Variants in DLGAP2 observed in about 807,000 individuals in gnomAD.
DLGAP2 encodes disks large-associated protein 2.
A neutral mutation model predicts 100.3 loss-of-function variants in DLGAP2; 26 were observed. The observed-to-expected ratio is 0.26, with a 90% CI of 0.19 to 0.36. The LOEUF is 0.36. DLGAP2 is among the 10% of genes least tolerant of loss of function. The pLI is 1.00. For missense variants in DLGAP2, 1,858 were observed against 1,453.2 expected, an observed-to-expected ratio of 1.28 and a Z score of -4.53; for synonymous variants, 886 against 630.1, an observed-to-expected ratio of 1.41 and a Z score of -6.08.
intron 2 of DLGAP2, among the ~76,000 whole-genome samples, chr8:957,846 G>A (rs1317832016): frequency 6.6e-6 from 1 of 151,760 alleles, no homozygotes; most frequent in East Asian, 1.9e-4. Flanking sequence ...ATTATATATG[G>A]GAAAAATATT....
intron 2 of DLGAP2, among the ~76,000 whole-genome samples, chr8:972,555 A>C (rs2129012464): frequency 6.6e-6 from 1 of 152,300 alleles, no homozygotes; most frequent in East Asian, 1.9e-4. Flanking sequence ...AAAATCAGTG[A>C]GCTTAAGGAA....
intron 2 of DLGAP2, among the ~76,000 whole-genome samples, chr8:1,174,392 A>G (rs1005374610): frequency 6.6e-6 from 1 of 151,920 alleles, no homozygotes; most frequent in Admixed American, 6.6e-5. Flanking sequence ...TACCACCATC[A>G]TCATTACCAT....
chr8:1,264,473 C>T (rs1158001991), intron 3 of DLGAP2, among the ~76,000 whole-genome samples: 1 of 152,118 alleles, frequency 6.6e-6, no homozygotes, highest in East Asian at 1.9e-4. Context: ...ATAAAGTTAC[C>T]AATGAGAAAT....
intron 2 of DLGAP2, among the ~76,000 whole-genome samples, chr8:1,144,484 C>T (rs549485503): frequency 8.5e-5 from 13 of 152,334 alleles, no homozygotes; most frequent in Non-Finnish European, 1.5e-4. Flanking sequence ...CCCCAGTCTG[C>T]GTCCTGCTTT....
intron 3 of DLGAP2, among the ~76,000 whole-genome samples, chr8:1,268,759 A>G (rs1048557061): frequency 6.6e-6 from 1 of 152,232 alleles, no homozygotes; most frequent in Non-Finnish European, 1.5e-5. Context: ...ATTTAAAAAC[A>G]TTTCCCAATT....
At chr8:977,468 G>C (rs1376287948) in intron 2 of DLGAP2, among the ~76,000 whole-genome samples, 1 of 152,188 alleles carries the variant, frequency 6.6e-6, no homozygotes, top group African/African-American at 2.4e-5. Flanking sequence ...GACACTTTCT[G>C]ATATAGCAAA....
intron 3 of DLGAP2, among the ~76,000 whole-genome samples, chr8:1,303,127 GTGGCTCACGCC>G (rs1004287846): frequency 2.6e-5 from 4 of 152,200 alleles, no homozygotes; most frequent in African/African-American, 9.6e-5. Flanking sequence ...GTGGGGCGCG[GTGGCTCACGCC>G]TGTAATCCCA....
chr8:1,626,734 C>A lies in DLGAP2; in HGVS notation c.1443-6C>A, dbSNP rs1326134759. ...AATGCCTTTTCTCCTTTCTTCTTTC[C>A]TGTAGCCAGACCTACCTGCAAGCTG... On this transcript the variant is annotated splice_polypyrimidine_tract_variant and splice_region_variant and intron_variant, in intron 6 of 14. Coordinates refer to ENST00000637795, the MANE Select transcript of DLGAP2 (RefSeq NM_001346810.2). 6.3e-7 allele frequency: 1 copy of A among 1,594,504 alleles called. No individual in the cohort carries two copies. The highest frequency in any genetic ancestry group is 1.7e-5 in the Admixed American group (1 of 57,430).
chr8:971,233 C>G (rs973094804), intron 2 of DLGAP2, among the ~76,000 whole-genome samples: 1 of 152,166 alleles, frequency 6.6e-6, no homozygotes, highest in African/African-American at 2.4e-5. Flanking sequence ...TCATAAAGAA[C>G]TCTTGTAACT....
intron 3 of DLGAP2, among the ~76,000 whole-genome samples, chr8:1,287,844 GTGTGTGGTTGT>G: frequency 7.0e-6 from 1 of 142,388 alleles, no homozygotes; most frequent in Admixed American, 7.1e-5. Context: ...GTGTGTGTGT[GTGTGTGGTTGT>G]TAGGAGGGGA....
rs892876776 is a variant in DLGAP2, at chr8:1,110,522, G to A, written c.74-148329G>A. Among the ~76,000 whole-genome samples the A allele has an allele frequency of 2.7e-5, 4 of 150,008 alleles. No homozygotes were observed. In the East Asian group the frequency reaches 8.0e-4, roughly 30 times the overall value. On this transcript the variant is annotated intron_variant, in intron 2 of 14. Coordinates refer to ENST00000637795, the MANE Select transcript of DLGAP2 (RefSeq NM_001346810.2). ...TGTGCACGTGCCTGTGAAGTGTGCT[G>A]GGTCTGTGAGGTGTGCATAGGGTGG...
At chr8:1,006,572 G>A (rs1365719779) in intron 2 of DLGAP2, among the ~76,000 whole-genome samples, 12 of 64,590 alleles carry the variant, frequency 1.9e-4, no homozygotes, top group African/African-American at 6.8e-4. Context: ...CCTTTATCAC[G>A]TCGGGGGCGC....
chr8:1,536,329 C>CA (rs1282522384), intron 4 of DLGAP2, among the ~76,000 whole-genome samples: 1 of 152,130 alleles, frequency 6.6e-6, no homozygotes, highest in Non-Finnish European at 1.5e-5. Context: ...CACATGAAAT[C>CA]AGCACCATGC....
intron 2 of DLGAP2, among the ~76,000 whole-genome samples, chr8:1,217,469 T>C (rs746478904): frequency 6.6e-6 from 1 of 152,218 alleles, no homozygotes; most frequent in Non-Finnish European, 1.5e-5. Flanking sequence ...ATTGGGTATA[T>C]ACCCAGTAAT....
rs914224136 is a variant in DLGAP2 at position 805,380 on chromosome 8, G to C, written c.18+67555G>C. Among the ~76,000 whole-genome samples the C allele has an allele frequency of 6.6e-5, 10 of 152,206 alleles. No homozygotes were observed. In the East Asian group the frequency reaches 1.9e-3, roughly 29 times the overall value. On this transcript the variant is annotated intron_variant, in intron 1 of 14. Coordinates refer to ENST00000637795, the MANE Select transcript of DLGAP2 (RefSeq NM_001346810.2). ...AGTGTGCTCAGGGAGTTTCTTTGGG[G>C]CTGGGGCTTTCTTCCTATGGTGCTT...
At chr8:1,517,908 C>A (rs1800449703) in intron 4 of DLGAP2, among the ~76,000 whole-genome samples, 2 of 152,242 alleles carry the variant, frequency 1.3e-5, no homozygotes, top group Admixed American at 1.3e-4. Flanking sequence ...AAATAACCAT[C>A]CCCCACGGTA....
intron 2 of DLGAP2, among the ~76,000 whole-genome samples, chr8:932,623 A>G (rs1458613047): frequency 6.6e-6 from 1 of 152,218 alleles, no homozygotes; most frequent in Non-Finnish European, 1.5e-5. Flanking sequence ...ATAATGAATC[A>G]TTTATTATGT....
intron 2 of DLGAP2, among the ~76,000 whole-genome samples, chr8:965,847 C>T (rs1045870274): frequency 1.5e-4 from 22 of 144,340 alleles, no homozygotes; most frequent in South Asian, 2.2e-4. Context: ...ATCACACACG[C>T]GGCTCCAGAG....
At chr8:1,476,485 G>A (rs922128621) in intron 3 of DLGAP2, among the ~76,000 whole-genome samples, 2 of 152,104 alleles carry the variant, frequency 1.3e-5, no homozygotes, top group African/African-American at 4.8e-5. Flanking sequence ...TGGGTATTTT[G>A]AGCTGAGTCA....
Sources: allele counts gnomAD v4.1 joint callset (sites outside exome capture counted in the v4.1 genomes callset), GRCh38; gene constraint gnomAD v4.1.1; transcripts MANE v1.5; gene names NCBI Gene and HGNC (gene_info 2026-07-23, HGNC 2026-07-21).